Variants in FGF12 observed in about 807,000 individuals in gnomAD.
FGF12 encodes fibroblast growth factor 12B.
A neutral mutation model predicts 23.6 loss-of-function variants in FGF12; 14 were observed. The ratio of observed to expected loss-of-function variants is 0.59; its 90% CI spans 0.39 to 0.93. FGF12 has a LOEUF of 0.93. Among genes scored for constraint, FGF12 ranks in the 40% least tolerant of loss-of-function variants. FGF12 has a pLI of 0.00. For missense variants in FGF12, 175 were observed against 217.8 expected, an observed-to-expected ratio of 0.80 and a Z score of 1.24; for synonymous variants, 62 against 77.3, an observed-to-expected ratio of 0.80 and a Z score of 1.04.
chr3:192,607,062 T>C (rs1714366116), intron 2 of FGF12, among the ~76,000 whole-genome samples: 1 of 152,124 alleles, frequency 6.6e-6, no homozygotes, highest in Non-Finnish European at 1.5e-5. Context: ...TCAGTCACAA[T>C]TTTACCATTT....
intron 2 of FGF12, among the ~76,000 whole-genome samples, chr3:192,401,112 A>G (rs1358553474): frequency 6.6e-6 from 1 of 152,218 alleles, no homozygotes; most frequent in African/African-American, 2.4e-5. Context: ...TGTTAACATA[A>G]ATAGCATGAT....
chr3:192,568,922 C>G (rs1290240023), intron 2 of FGF12, among the ~76,000 whole-genome samples: 1 of 152,084 alleles, frequency 6.6e-6, no homozygotes, highest in Non-Finnish European at 1.5e-5. Context: ...CTTCGAGAAC[C>G]AACTTAAGGG....
intron 3 of FGF12, among the ~76,000 whole-genome samples, chr3:192,345,388 C>T (rs1170583693): frequency 2.0e-5 from 3 of 152,110 alleles, no homozygotes; most frequent in Non-Finnish European, 4.4e-5. Context: ...AATATTGTTG[C>T]TCTTAAGATA....
chr3:192,624,007 T>A (rs1349689742), intron 2 of FGF12, among the ~76,000 whole-genome samples: 1 of 152,200 alleles, frequency 6.6e-6, no homozygotes, highest in Non-Finnish European at 1.5e-5. Flanking sequence ...TAATTAAATG[T>A]GAAAACACAC....
chr3:192,242,290 TAATTTTTGTTGTGGGAGCTG>T (rs1424364264), intron 4 of FGF12, among the ~76,000 whole-genome samples: 5 of 152,210 alleles, frequency 3.3e-5, no homozygotes, highest in African/African-American at 1.2e-4. Context: ...TTAAGGAAGA[TAATTTTTGTTGTGGGAGCTG>T]TCCTGTTCAT....
chr3:192,146,042 G>A (rs1334858704), intron 5 of FGF12, among the ~76,000 whole-genome samples: 1 of 152,152 alleles, frequency 6.6e-6, no homozygotes, highest in African/African-American at 2.4e-5. Flanking sequence ...AGGTGATTTA[G>A]CTGGAACACT....
chr3:192,723,159 G>A (rs1337394587), intron 2 of FGF12, among the ~76,000 whole-genome samples: 2 of 152,114 alleles, frequency 1.3e-5, no homozygotes, highest in Non-Finnish European at 2.9e-5. Context: ...AATGAATGTA[G>A]AGAATAAATA....
chr3:192,478,725 A>C (rs1301770151), intron 2 of FGF12, among the ~76,000 whole-genome samples: 1 of 152,218 alleles, frequency 6.6e-6, no homozygotes, highest in Non-Finnish European at 1.5e-5. Context: ...GCTGAAAGAA[A>C]AATGAAGTTT....
intron 2 of FGF12, among the ~76,000 whole-genome samples, chr3:192,380,331 G>GGT (rs1719762235): frequency 6.6e-6 from 1 of 152,124 alleles, no homozygotes; most frequent in Non-Finnish European, 1.5e-5. Flanking sequence ...AATATTGGTT[G>GGT]TGAGATAATT....
intron 5 of FGF12, among the ~76,000 whole-genome samples, chr3:192,163,490 G>GAATA (rs1714989292): frequency 6.6e-6 from 1 of 152,102 alleles, no homozygotes; most frequent in Non-Finnish European, 1.5e-5. Context: ...ACAATAATAT[G>GAATA]AATAAATTTA....
chr3:192,286,418 G>T (rs894865005), intron 4 of FGF12, among the ~76,000 whole-genome samples: 6 of 152,006 alleles, frequency 3.9e-5, no homozygotes, highest in Non-Finnish European at 4.4e-5. Flanking sequence ...CTGAGTTATG[G>T]AGAATTTAAA....
intron 5 of FGF12, among the ~76,000 whole-genome samples, chr3:192,167,772 A>ATATATATATATATATATT (rs1715302128): frequency 6.5e-5 from 1 of 15,396 alleles, no homozygotes; most frequent in East Asian, 1.4e-3. Context: ...TATATATAAA[A>ATATATATATATATATATT]TTTTTTTTTT....
chr3:192,446,133 G>A (rs972831588), intron 2 of FGF12, among the ~76,000 whole-genome samples: 2 of 152,180 alleles, frequency 1.3e-5, no homozygotes, highest in Non-Finnish European at 2.9e-5. Context: ...ATTTGAAGTT[G>A]CAAGTTTATC....
At chr3:192,545,957 T>A (rs978691755) in intron 2 of FGF12, among the ~76,000 whole-genome samples, 4 of 152,366 alleles carry the variant, frequency 2.6e-5, no homozygotes, top group East Asian at 3.9e-4. Flanking sequence ...AGGATCTCTA[T>A]GCTCTGAATG....
At chr3:192,512,337 A>G (rs746138633) in intron 2 of FGF12, among the ~76,000 whole-genome samples, 1 of 152,156 alleles carries the variant, frequency 6.6e-6, no homozygotes, top group Non-Finnish European at 1.5e-5. Context: ...AGGTCATACT[A>G]ATGGCACAGA....
At chr3:192,167,398 T>A (rs1226308830) in intron 5 of FGF12, among the ~76,000 whole-genome samples, 2 of 151,944 alleles carry the variant, frequency 1.3e-5, no homozygotes, top group Non-Finnish European at 2.9e-5. Context: ...CCAGCATGTG[T>A]GGTTGTGTTC....
chr3:192,144,510 C>G (rs180800968), intron 5 of FGF12, among the ~76,000 whole-genome samples: 1 of 152,240 alleles, frequency 6.6e-6, no homozygotes, highest in East Asian at 1.9e-4. Flanking sequence ...TATTCATTTA[C>G]ATGTTGCTAA....
At chr3:192,180,163 G>A (rs1381809916) in intron 4 of FGF12, among the ~76,000 whole-genome samples, 5 of 151,560 alleles carry the variant, frequency 3.3e-5, no homozygotes, top group Non-Finnish European at 1.5e-5. Flanking sequence ...CCATCAATTG[G>A]AGATAAGTGA....
intron 2 of FGF12, among the ~76,000 whole-genome samples, chr3:192,532,303 C>A (rs755767068): frequency 6.6e-6 from 1 of 151,846 alleles, no homozygotes; most frequent in Non-Finnish European, 1.5e-5. Flanking sequence ...GATGACCTTT[C>A]GATGGGGATT....
Sources: allele counts gnomAD v4.1 joint callset (sites outside exome capture counted in the v4.1 genomes callset), GRCh38; gene constraint gnomAD v4.1.1; transcripts MANE v1.5; gene names NCBI Gene and HGNC (gene_info 2026-07-23, HGNC 2026-07-21).